Variants in DACH2 observed in about 807,000 individuals in gnomAD.
DACH2 encodes dachshund homolog 2.
In DACH2, 17 loss-of-function variants were observed where a neutral mutation model predicts 35.8. The ratio of observed to expected loss-of-function variants is 0.48; its 90% CI spans 0.33 to 0.71. The LOEUF (loss-of-function observed/expected upper bound fraction) is 0.71, where lower values mean the gene tolerates loss of function less well. Ranked by LOEUF, DACH2 falls within the 30% of genes least tolerant of loss-of-function variation. The probability of loss-of-function intolerance (pLI) is 0.02; values close to 1 mark genes in which losing one functional copy is unlikely to be tolerated. For synonymous variants in DACH2, 195 were observed against 177.3 expected (o/e 1.10, Z -0.79); for missense variants, 469 against 472.7 (o/e 0.99, Z 0.07).
At chrX:86,600,413 G>C (rs1569450203) in intron 3 of DACH2, among the ~76,000 whole-genome samples, 1 of 111,723 alleles carries the variant, frequency 9.0e-6, no homozygotes, top group Non-Finnish European at 1.9e-5. Context: ...TTAAAGTCTA[G>C]GCAGAATATT....
At chrX:86,462,470 A>T (rs972898582) in intron 2 of DACH2, among the ~76,000 whole-genome samples, 1 of 111,459 alleles carries the variant, frequency 9.0e-6, no homozygotes, top group East Asian at 2.8e-4. Context: ...AAAATTTTAC[A>T]GTTGGCAGGG....
intron 2 of DACH2, among the ~76,000 whole-genome samples, chrX:86,460,060 C>T (rs1333620112): frequency 9.1e-6 from 1 of 110,482 alleles, no homozygotes; most frequent in Non-Finnish European, 1.9e-5. Flanking sequence ...ATATTAGTTA[C>T]TTAAAAATGA....
intron 3 of DACH2, among the ~76,000 whole-genome samples, chrX:86,578,901 G>A (rs1239061357): frequency 5.4e-5 from 6 of 111,328 alleles, no homozygotes; most frequent in East Asian, 2.8e-4. Context: ...CTTCATCTTT[G>A]ACAAGTTTTT....
chrX:86,292,694 A>G (rs1346653861), intron 1 of DACH2, among the ~76,000 whole-genome samples: 7 of 111,703 alleles, frequency 6.3e-5, no homozygotes, highest in African/African-American at 2.3e-4. Flanking sequence ...CTCAGTAGTC[A>G]TTCAGGAGCA....
At chrX:86,573,991 A>G (rs1456889301) in intron 3 of DACH2, among the ~76,000 whole-genome samples, 1 of 112,039 alleles carries the variant, frequency 8.9e-6, no homozygotes, top group South Asian at 3.7e-4. Context: ...AAAGCACAGT[A>G]TTATTGAAAA....
intron 2 of DACH2, among the ~76,000 whole-genome samples, chrX:86,396,645 G>T (rs1420540289): frequency 9.1e-6 from 1 of 110,046 alleles, no homozygotes; most frequent in Non-Finnish European, 1.9e-5. Context: ...TTAAATAGGG[G>T]ATCCTTTCCC....
In DACH2 at chrX:86,832,217, A is replaced by G. The variant is rs1033771075; in HGVS notation, c.*62A>G. 4.5e-6 allele frequency: 4 copies of G among 893,946 alleles called. No homozygotes were observed. The highest frequency in any genetic ancestry group is 2.0e-5 in the African/African-American group (1 of 51,161). The allele number at this position is 893,946 out of a possible 1,213,427, so 73.7% of individuals were successfully genotyped here. ...GTGATTCCAGTTTATCTCTGAAACT[A>G]TTCAACATGGAGTTATTTCAGTTTT... is the stretch of plus-strand genomic sequence containing the variant. On this transcript the variant is annotated 3_prime_UTR_variant, in exon 12 of 12. Coordinates refer to ENST00000373125, the MANE Select transcript of DACH2 (RefSeq NM_053281.3).
intron 1 of DACH2, among the ~76,000 whole-genome samples, chrX:86,235,059 G>A (rs1333317915): frequency 1.8e-5 from 2 of 111,553 alleles, no homozygotes; most frequent in Admixed American, 1.9e-4. Context: ...TCTTGTCTGT[G>A]GCAGTTTCTC....
At chrX:86,828,204 ACTT>A (rs746116375) in intron 11 of DACH2, 1 of 123,597 alleles carries the variant, frequency 8.1e-6, no homozygotes, top group Admixed American at 8.4e-5. Context: ...CTGTGAAATA[ACTT>A]CTTGTCTGAC....
intron 2 of DACH2, among the ~76,000 whole-genome samples, chrX:86,411,478 T>C (rs1406342281): frequency 1.8e-5 from 2 of 110,781 alleles, no homozygotes; most frequent in Admixed American, 1.9e-4. Context: ...CTTCTGAAAT[T>C]ATACATAATC....
intron 4 of DACH2, among the ~76,000 whole-genome samples, chrX:86,671,323 A>C (rs1381757477): frequency 8.9e-6 from 1 of 112,200 alleles, no homozygotes; most frequent in Non-Finnish European, 1.9e-5. Flanking sequence ...CAGATTAACT[A>C]GTTTTAGCTT....
At chrX:86,548,342 G>T (rs1050994451) in intron 3 of DACH2, among the ~76,000 whole-genome samples, 1 of 111,518 alleles carries the variant, frequency 9.0e-6, no homozygotes, top group Non-Finnish European at 1.9e-5. Context: ...GGAAAGAAAA[G>T]ATTAAATAAG....
At chrX:86,684,306 A>G (rs1352328972) in intron 4 of DACH2, among the ~76,000 whole-genome samples, 1 of 111,961 alleles carries the variant, frequency 8.9e-6, no homozygotes, top group Admixed American at 9.6e-5. Flanking sequence ...TACAGAAATG[A>G]TATTACTTTG....
chrX:86,786,987 C>G (rs1182301150), intron 7 of DACH2, among the ~76,000 whole-genome samples: 1 of 111,307 alleles, frequency 9.0e-6, no homozygotes, highest in East Asian at 2.9e-4. Context: ...CACAAACTCT[C>G]TCTTTGCCTC....
intron 2 of DACH2, among the ~76,000 whole-genome samples, chrX:86,410,934 T>C (rs2036599781): frequency 1.9e-5 from 2 of 103,107 alleles, no homozygotes; most frequent in South Asian, 9.4e-4. Flanking sequence ...TGTCTGTACA[T>C]CTGTGCTAAT....
In DACH2 at chrX:86,832,176, A is replaced by G. The variant is rs759838784; in HGVS notation, c.*21A>G. On this transcript the variant is annotated 3_prime_UTR_variant, in exon 12 of 12. Transcript: ENST00000373125. ...CCTGAAAGGTCCTCGCTGGCTTTAC[A>G]TAAATGAAGATGCTTGTGATTCCAG... The G allele has an allele frequency of 5.3e-6, 6 of 1,136,174 alleles. No homozygotes were observed. The East Asian group carries it at 1.5e-4, about 28-fold the overall frequency. 93.6% of individuals were successfully genotyped at this position (1,136,174 alleles called of 1,213,427 possible).
chrX:86,666,975 G>C (rs1361998369), intron 4 of DACH2, among the ~76,000 whole-genome samples: 1 of 108,051 alleles, frequency 9.3e-6, no homozygotes, highest in East Asian at 2.9e-4. Flanking sequence ...GCCGGGCATG[G>C]TGGCTCTCCC....
chrX:86,734,626 G>A (rs2041575583), intron 6 of DACH2, among the ~76,000 whole-genome samples: 1 of 111,052 alleles, frequency 9.0e-6, no homozygotes, highest in Admixed American at 9.7e-5. Flanking sequence ...AAATTCAATG[G>A]TAAATTGGTG....
chrX:86,743,553 T>C (rs1431217866), intron 7 of DACH2, among the ~76,000 whole-genome samples: 1 of 111,604 alleles, frequency 9.0e-6, no homozygotes, highest in African/African-American at 3.2e-5. Flanking sequence ...CCATAATATA[T>C]AGAAAAAATA....
Sources: allele counts gnomAD v4.1 joint callset (sites outside exome capture counted in the v4.1 genomes callset), GRCh38; gene constraint gnomAD v4.1.1; transcripts MANE v1.5; gene names NCBI Gene and HGNC (gene_info 2026-07-23, HGNC 2026-07-21).